Variants in APC observed in about 807,000 individuals in gnomAD.
APC encodes APC regulator of Wnt signaling pathway.
APC carries 72 observed loss-of-function variants against 247.0 expected under a neutral mutation model. The ratio of observed to expected loss-of-function variants is 0.29; its 90% CI spans 0.24 to 0.35. The LOEUF is 0.35. APC is among the 10% of genes least tolerant of loss of function. The probability of loss-of-function intolerance (pLI) is 1.00; values close to 1 mark genes in which losing one functional copy is unlikely to be tolerated. For missense variants in APC, 3,400 were observed against 3,360.7 expected, an observed-to-expected ratio of 1.01 and a Z score of -0.29; for synonymous variants, 1,254 against 1,162.5, an observed-to-expected ratio of 1.08 and a Z score of -1.60.
intron 1 of APC, among the ~76,000 whole-genome samples, chr5:112,745,067 T>C (rs1473562842): frequency 1.3e-5 from 2 of 152,232 alleles, no homozygotes; most frequent in African/African-American, 4.8e-5. Flanking sequence ...TATCAGGCTT[T>C]CTGAATTTCA....
intron 8 of APC, among the ~76,000 whole-genome samples, chr5:112,802,913 G>T (rs1353585321): frequency 6.6e-6 from 1 of 151,824 alleles, no homozygotes; most frequent in Non-Finnish European, 1.5e-5. Context: ...ATCTTAAAAT[G>T]GTTCCAAGCC....
At chr5:112,712,133 A>AG (rs1168440151) in intron 1 of APC, among the ~76,000 whole-genome samples, 1 of 152,200 alleles carries the variant, frequency 6.6e-6, no homozygotes, top group African/African-American at 2.4e-5. Flanking sequence ...AATACGGGGA[A>AG]GGGGTGGATC....
intron 1 of APC, among the ~76,000 whole-genome samples, chr5:112,729,863 G>A (rs1024124298): frequency 6.6e-6 from 1 of 152,136 alleles, no homozygotes; most frequent in Admixed American, 6.5e-5. Context: ...TATATATTTA[G>A]TATCTTACAA....
intron 1 of APC, among the ~76,000 whole-genome samples, chr5:112,749,087 T>A (rs543612376): frequency 3.3e-5 from 5 of 152,218 alleles, no homozygotes; most frequent in Non-Finnish European, 7.3e-5. Flanking sequence ...AGTATTTTAA[T>A]GTAGCGAGTG....
At chr5:112,710,877 T>C (rs1222876887) in intron 1 of APC, among the ~76,000 whole-genome samples, 1 of 152,242 alleles carries the variant, frequency 6.6e-6, no homozygotes, top group East Asian at 1.9e-4. Context: ...AATTAATACA[T>C]GTTAAATGTC....
At chr5:112,837,131 C>T (rs560723263) in intron 15 of APC, among the ~76,000 whole-genome samples, 1 of 152,222 alleles carries the variant, frequency 6.6e-6, no homozygotes, top group African/African-American at 2.4e-5. Context: ...TCAATCAATT[C>T]TATCTACCTC....
At position 112,840,187 on chromosome 5, in the gene APC, T is replaced by C. The variant is rs1355904283; in HGVS notation, c.4593T>C (p.Asn1531=). 6.2e-7 allele frequency: 1 copy of C among 1,613,794 alleles called. No individual in the cohort carries two copies. Among genetic ancestry groups the C allele is most frequent in the East Asian group, 2.2e-5 (1 of 44,880 alleles). Residue 1531 remains asparagine (N), a synonymous_variant, in exon 16 of 16, where the codon AAT becomes AAC. Coordinates refer to ENST00000257430, the MANE Select transcript of APC (RefSeq NM_000038.6). The surrounding 1 kb of genome is among the most constrained non-coding windows in gnomAD (Gnocchi z 4.1). The part of the protein sequence containing the change: ...ELRIMPPVQE[N]DNGNETESEQ... ...GAATAATGCCTCCAGTTCAGGAAAA[T>C]GACAATGGGAATGAAACAGAATCAG...
In APC at chr5:112,789,600, T is replaced by A. The variant is rs76154438; in HGVS notation, c.646-2846T>A. Among the ~76,000 whole-genome samples the A allele has an allele frequency of 7.8e-3, 1,195 of 152,246 alleles. 14 individuals are homozygous for A. Among genetic ancestry groups the A allele is most frequent in the African/African-American group, 0.027 (1,114 of 41,536 alleles). Reference sequence around the variant, plus strand: ...CCTCTAAATATTAAAAATTTTTATTTAGGCCTATATTGATGGAAGGGAGCT... The same window carrying A: ...CCTCTAAATATTAAAAATTTTTATTAAGGCCTATATTGATGGAAGGGAGCT... On this transcript the variant is annotated intron_variant, in intron 6 of 15. Transcript: ENST00000257430.
rs2149900209 is a variant in APC, at chr5:112,839,435, T to C, written c.3841T>C (p.Ser1281Pro). The C allele has an allele frequency of 6.2e-7, 1 of 1,614,048 alleles. No individual in the cohort carries two copies. Among genetic ancestry groups the C allele is most frequent in the Admixed American group, 1.7e-5 (1 of 60,024 alleles). The stretch of plus-strand genomic sequence containing the variant: ...AAGATGTAGTTCATTATCATCTTTG[T>C]CATCAGCTGAAGATGAAATAGGATG... ...FSRCSSLSSLSSAEDEIGCNQ... is the reference protein window; with the variant it reads ...FSRCSSLSSLPSAEDEIGCNQ... The change falls in exon 16 of 16, where the codon TCA becomes CCA. Residue 1281 changes from serine (S) to proline (P), a missense_variant. Ser to Pro is a moderately conservative substitution (Grantham distance 74). Around this residue, in one of 9 missense-constraint regions of APC, gnomAD observed 715 missense variants for 656.6 expected, o/e 1.09. Transcript: ENST00000257430. The surrounding 1 kb of genome is among the most constrained non-coding windows in gnomAD (Gnocchi z 5.0).
At chr5:112,708,916 G>T (rs1476541295) in intron 1 of APC, among the ~76,000 whole-genome samples, 1 of 152,182 alleles carries the variant, frequency 6.6e-6, no homozygotes, top group African/African-American at 2.4e-5. Context: ...CCTAAATAAC[G>T]TAGTACCTTG....
chr5:112,842,732 A>G lies in APC; in HGVS notation c.7138A>G (p.Lys2380Glu), dbSNP rs1554088069. 1 of 1,614,012 alleles carries G rather than the reference A, an allele frequency of 6.2e-7. No homozygotes were observed. Among genetic ancestry groups the G allele is most frequent in the South Asian group, 1.1e-5 (1 of 91,086 alleles). ...ACAGATGAGCCAACAGAACCTTACC[A>G]AACAAACAGGTTTATCCAAGAATGC... ...GRQMSQQNLT[K>E]QTGLSKNASS... The change falls in exon 16 of 16, where the codon AAA becomes GAA. Residue 2380 changes from lysine to glutamate, a missense_variant. Lys to Glu is a moderately conservative substitution (Grantham distance 56, BLOSUM62 1). This residue lies in a region of APC where 1,788 missense variants were observed against 1,649.5 expected (regional missense o/e 1.08). Transcript: ENST00000257430.
At position 112,840,512 on chromosome 5, in the gene APC, C is replaced by T. The variant is rs373440614; in HGVS notation, c.4918C>T (p.Arg1640Trp). The T allele has an allele frequency of 8.2e-5, 132 of 1,613,986 alleles. No individual in the cohort carries two copies. The highest frequency in any genetic ancestry group is 1.6e-4 in the Middle Eastern group (1 of 6,084). Reference sequence around the variant, plus strand: ...TTTTACACCGGGGGATGATATGCCACGGGTGTATTGTGTTGAAGGGACACC... The same window carrying T: ...TTTTACACCGGGGGATGATATGCCATGGGTGTATTGTGTTGAAGGGACACC... ...VSFTPGDDMP[R>W]VYCVEGTPIN... The change falls in exon 16 of 16, where the codon CGG (arginine) becomes TGG (tryptophan). Residue 1640 changes from arginine (R) to tryptophan (W), a missense_variant. Transcript: ENST00000257430. This position sits in a 1 kb window ranked among gnomAD's most constrained non-coding sequence, Gnocchi z 4.1.
intron 1 of APC, among the ~76,000 whole-genome samples, chr5:112,723,837 A>T (rs139970577): frequency 2.0e-5 from 3 of 152,062 alleles, no homozygotes; most frequent in Non-Finnish European, 1.5e-5. Context: ...TTACCTTACC[A>T]TTACTGCCCC....
At chr5:112,749,648 C>A (rs192432737) in intron 1 of APC, among the ~76,000 whole-genome samples, 1 of 151,822 alleles carries the variant, frequency 6.6e-6, no homozygotes, top group East Asian at 1.9e-4. Context: ...CCACCATGCC[C>A]GGCTAATTTT....
Position 112,767,298 on chromosome 5 carries a change from C to T in APC, c.330C>T (p.Cys110=), listed in dbSNP as rs1060504887. Residue 110 remains cysteine (C), a synonymous_variant, in exon 4 of 16, where the codon TGC becomes TGT. Coordinates refer to ENST00000257430, the MANE Select transcript of APC (RefSeq NM_000038.6). ...CTGTATCAAGCCGTTCTGGAGAGTG[C>T]AGTCCTGTTCCTATGGGTTCATTTC... The part of the protein sequence containing the change: ...EGSVSSRSGE[C]SPVPMGSFPR... The T allele has an allele frequency of 6.2e-7, 1 of 1,614,110 alleles. No homozygotes were observed. Among genetic ancestry groups the T allele is most frequent in the African/African-American group, 1.3e-5 (1 of 75,040 alleles).
intron 6 of APC, among the ~76,000 whole-genome samples, chr5:112,786,675 A>G: frequency 6.6e-6 from 1 of 152,178 alleles, no homozygotes; most frequent in Non-Finnish European, 1.5e-5. Context: ...TTTTTCAGTT[A>G]AAAACAGCAC....
chr5:112,819,412 C>T (rs2149784757), intron 10 of APC, 68 bp downstream of exon 10: 2 of 1,586,708 alleles, frequency 1.3e-6, no homozygotes, highest in South Asian at 1.1e-5. Context: ...AAACAGAAAA[C>T]ATGTTTAGTT....
chr5:112,770,920 A>T (rs771972817), intron 4 of APC, among the ~76,000 whole-genome samples: 1 of 152,128 alleles, frequency 6.6e-6, no homozygotes, highest in Non-Finnish European at 1.5e-5. Flanking sequence ...GACTGTGTCT[A>T]CTGAAGCCCC....
chr5:112,826,903 T>C (rs1763719223), intron 11 of APC, among the ~76,000 whole-genome samples: 1 of 152,188 alleles, frequency 6.6e-6, no homozygotes, highest in Non-Finnish European at 1.5e-5. Flanking sequence ...TGGCATAAAA[T>C]GGAATAATTG....
Sources: gnomAD v4.1 joint callset for allele counts (sites outside exome capture counted in the v4.1 genomes callset) on GRCh38, gnomAD v4.1.1 for gene constraint, gnomAD v4.1.1 regional missense constraint, Gnocchi (gnomAD v3.1) non-coding constraint, MANE v1.5 for transcripts, NCBI Gene and HGNC (gene_info 2026-07-23, HGNC 2026-07-21) for gene names.